Variants in CHRM3 observed in about 807,000 individuals in gnomAD.
CHRM3 encodes cholinergic receptor muscarinic 3.
In CHRM3, 11 loss-of-function variants were observed where a neutral mutation model predicts 41.8. The observed-to-expected ratio is 0.26, with a 90% confidence interval of 0.17 to 0.44. The LOEUF (loss-of-function observed/expected upper bound fraction) is 0.44, where lower values mean the gene tolerates loss of function less well. Among genes scored for constraint, CHRM3 ranks in the 20% least tolerant of loss-of-function variants. The pLI is 1.00. For missense variants in CHRM3, 571 were observed against 745.4 expected (o/e 0.77, Z 2.72); for synonymous variants, 297 against 301.4 (o/e 0.99, Z 0.15).
intron 5 of CHRM3, among the ~76,000 whole-genome samples, chr1:239,687,554 A>G (rs2149126153): frequency 6.6e-6 from 1 of 152,272 alleles, no homozygotes; most frequent in African/African-American, 2.4e-5. Flanking sequence ...CCATATGTAC[A>G]TTATGAGGTC....
intron 1 of CHRM3, among the ~76,000 whole-genome samples, chr1:239,429,653 A>G (rs1260545168): frequency 6.6e-6 from 1 of 151,992 alleles, no homozygotes; most frequent in African/African-American, 2.4e-5. Flanking sequence ...GCTCCCTTAC[A>G]CTGATGACAA....
intron 6 of CHRM3, among the ~76,000 whole-genome samples, chr1:239,856,953 A>G (rs1455725748): frequency 6.6e-6 from 1 of 152,196 alleles, no homozygotes; most frequent in Non-Finnish European, 1.5e-5. Context: ...AATGAACAAT[A>G]TTCTCTGTAG....
chr1:239,705,878 T>G (rs1368535213), intron 5 of CHRM3, among the ~76,000 whole-genome samples: 1 of 151,984 alleles, frequency 6.6e-6, no homozygotes, highest in Non-Finnish European at 1.5e-5. Flanking sequence ...AAAATTACCT[T>G]GGAATACTAA....
At chr1:239,626,960 G>A (rs1404856169) in intron 3 of CHRM3, among the ~76,000 whole-genome samples, 1 of 82,560 alleles carries the variant, frequency 1.2e-5, no homozygotes, top group African/African-American at 4.7e-5. Context: ...GTGTGGTGCT[G>A]AAAAAAATGT....
chr1:239,436,034 G>A (rs1663239415), intron 1 of CHRM3, among the ~76,000 whole-genome samples: 2 of 152,080 alleles, frequency 1.3e-5, no homozygotes, highest in Non-Finnish European at 1.5e-5. Flanking sequence ...AAATAGTCGT[G>A]GAAGACAATG....
At chr1:239,705,296 C>T (rs2148140693) in intron 5 of CHRM3, 1 of 152,324 alleles carries the variant, frequency 6.6e-6, no homozygotes, top group East Asian at 1.9e-4. Flanking sequence ...ATGATGCTCT[C>T]TTCTACTATA....
At chr1:239,818,358 A>G (rs1048288268) in intron 5 of CHRM3, among the ~76,000 whole-genome samples, 5 of 152,194 alleles carry the variant, frequency 3.3e-5, no homozygotes, top group Non-Finnish European at 7.3e-5. Flanking sequence ...TTAGGTCTTC[A>G]AACTATGAAT....
chr1:239,460,917 G>C (rs761583388), intron 1 of CHRM3, among the ~76,000 whole-genome samples: 1 of 152,154 alleles, frequency 6.6e-6, no homozygotes, highest in African/African-American at 2.4e-5. Flanking sequence ...TCCTCATAAA[G>C]AGACATTGTG....
Position 239,759,166 on chromosome 1 carries a change from T to G in CHRM3, c.-146-68086T>G, listed in dbSNP as rs868853381. On this transcript the variant is annotated intron_variant, in intron 5 of 6. Transcript: ENST00000676153. ...CCCCTGAGCTTTATGGGTTTTTTTTTTTGTTTTTTTTTTTTGTTTTTTTTT... is the reference window on the plus strand; with the variant it reads ...CCCCTGAGCTTTATGGGTTTTTTTTGTTGTTTTTTTTTTTTGTTTTTTTTT... 1.2e-4 allele frequency among the ~76,000 whole-genome samples: 16 copies of G among 135,506 alleles called. No individual in the cohort carries two copies. The South Asian group carries it at 1.8e-3, about 16-fold the overall frequency. 88.9% of individuals were successfully genotyped at this position (135,506 alleles called of 152,430 possible). A position where few individuals can be genotyped will look rare whatever the true frequency, so the allele number is the denominator to read the frequency against.
chr1:239,689,282 G>T (rs543400376), intron 5 of CHRM3, among the ~76,000 whole-genome samples: 1 of 151,632 alleles, frequency 6.6e-6, no homozygotes, highest in African/African-American at 2.4e-5. Flanking sequence ...TTTCAGAGAA[G>T]GATTCTATAT....
intron 1 of CHRM3, among the ~76,000 whole-genome samples, chr1:239,429,426 G>T (rs1018889636): frequency 6.6e-6 from 1 of 152,018 alleles, no homozygotes; most frequent in Non-Finnish European, 1.5e-5. Flanking sequence ...CATTATCTGT[G>T]ATTTATTTCA....
At chr1:239,720,504 CA>C (rs1662859014) in intron 5 of CHRM3, among the ~76,000 whole-genome samples, 1 of 151,914 alleles carries the variant, frequency 6.6e-6, no homozygotes, top group Non-Finnish European at 1.5e-5. Flanking sequence ...CACTCAACGC[CA>C]GACTTTTCAT....
intron 6 of CHRM3, among the ~76,000 whole-genome samples, chr1:239,850,016 C>A (rs1226879486): frequency 6.6e-6 from 1 of 152,000 alleles, no homozygotes; most frequent in Admixed American, 6.6e-5. Context: ...AAATATACAG[C>A]TGACCCTTGA....
intron 5 of CHRM3, among the ~76,000 whole-genome samples, chr1:239,777,563 C>T (rs1055260923): frequency 1.3e-5 from 2 of 152,112 alleles, no homozygotes; most frequent in African/African-American, 2.4e-5. Context: ...TTAAGTCTCA[C>T]ATTTGAGCCA....
At chr1:239,457,389 T>A (rs1341915458) in intron 1 of CHRM3, among the ~76,000 whole-genome samples, 1 of 152,198 alleles carries the variant, frequency 6.6e-6, no homozygotes, top group Non-Finnish European at 1.5e-5. Context: ...CTATACAGTT[T>A]ACACTCCAGA....
intron 2 of CHRM3, 91 bp from the exon 3 acceptor site, chr1:239,545,550 T>C (rs1659208898): frequency 6.6e-6 from 1 of 152,188 alleles, no homozygotes; most frequent in African/African-American, 2.4e-5. Context: ...TTATTATTAT[T>C]ATTATGCTAC....
intron 1 of CHRM3, among the ~76,000 whole-genome samples, chr1:239,443,708 G>C (rs974204415): frequency 2.6e-5 from 4 of 152,048 alleles, no homozygotes; most frequent in Admixed American, 6.6e-5. Flanking sequence ...AGCATTAGTC[G>C]GTATAATATA....
At chr1:239,764,811 C>T (rs1667072674) in intron 5 of CHRM3, among the ~76,000 whole-genome samples, 1 of 152,198 alleles carries the variant, frequency 6.6e-6, no homozygotes, top group Non-Finnish European at 1.5e-5. Context: ...AAATTCTGAA[C>T]AGGTGAAGAC....
chr1:239,833,061 T>C (rs1010159601), intron 6 of CHRM3, among the ~76,000 whole-genome samples: 4 of 152,262 alleles, frequency 2.6e-5, no homozygotes, highest in Admixed American at 6.5e-5. Flanking sequence ...TCTGGACCCA[T>C]TGTGCAGATT....
Sources: gnomAD v4.1 joint callset for allele counts (sites outside exome capture counted in the v4.1 genomes callset) on GRCh38, gnomAD v4.1.1 for gene constraint, MANE v1.5 for transcripts, NCBI Gene and HGNC (gene_info 2026-07-23, HGNC 2026-07-21) for gene names.